Variants in ARMH3 observed in about 807,000 individuals in gnomAD.
ARMH3 encodes the protein armadillo like helical domain containing 3, also known as armadillo-like helical domain-containing protein 3.
In ARMH3, 60 loss-of-function variants were observed where a neutral mutation model predicts 99.1. The observed-to-expected ratio is 0.61, with a 90% confidence interval of 0.49 to 0.75. ARMH3 has a LOEUF of 0.75. ARMH3 is among the 30% of genes least tolerant of loss of function. ARMH3 has a pLI of 0.00. For synonymous variants in ARMH3, 285 were observed against 292.8 expected (o/e 0.97, Z 0.27); for missense variants, 679 against 843.1 (o/e 0.81, Z 2.41).
At chr10:101,895,092 G>A (rs1415200017) in intron 23 of ARMH3, among the ~76,000 whole-genome samples, 3 of 151,904 alleles carry the variant, frequency 2.0e-5, no homozygotes. Context: ...AAAAGATTAA[G>A]GTTTCCCTTC....
intron 23 of ARMH3, among the ~76,000 whole-genome samples, chr10:101,901,958 G>T (rs1002281418): frequency 6.6e-6 from 1 of 152,086 alleles, no homozygotes; most frequent in East Asian, 1.9e-4. Flanking sequence ...AGGGAACATC[G>T]CTTTTCTAAT....
intron 19 of ARMH3, among the ~76,000 whole-genome samples, chr10:101,978,160 A>C (rs1466676442): frequency 1.3e-5 from 2 of 152,238 alleles, no homozygotes; most frequent in Non-Finnish European, 2.9e-5. Context: ...TTTCATGCTT[A>C]CAAAGAAACA....
At chr10:101,908,218 G>GT (rs1374870643) in intron 23 of ARMH3, among the ~76,000 whole-genome samples, 1 of 152,204 alleles carries the variant, frequency 6.6e-6, no homozygotes, top group East Asian at 1.9e-4. Context: ...TATTACTGCT[G>GT]TATTACAGTA....
At chr10:101,983,778 G>GT (rs1406640500) in intron 19 of ARMH3, among the ~76,000 whole-genome samples, 1 of 152,128 alleles carries the variant, frequency 6.6e-6, no homozygotes, top group African/African-American at 2.4e-5. Flanking sequence ...TCATCTGACT[G>GT]TTTATATGTT....
At chr10:101,944,273 T>TATATATATAGAGAGAG (rs1844401380) in intron 22 of ARMH3, among the ~76,000 whole-genome samples, 1 of 25,406 alleles carries the variant, frequency 3.9e-5, no homozygotes, top group African/African-American at 1.8e-4. Context: ...TATATATATA[T>TATATATATAGAGAGAG]AGAGAGAGAG....
At chr10:102,003,335 G>C (rs1037700115) in intron 14 of ARMH3, among the ~76,000 whole-genome samples, 1 of 151,988 alleles carries the variant, frequency 6.6e-6, no homozygotes, top group Non-Finnish European at 1.5e-5. Flanking sequence ...GCTAATTTTT[G>C]TATTTTAGTA....
intron 1 of ARMH3, among the ~76,000 whole-genome samples, chr10:102,046,576 G>A (rs997653523): frequency 3.9e-5 from 6 of 151,902 alleles, no homozygotes; most frequent in Admixed American, 6.6e-5. Context: ...CGCTTGAACC[G>A]AGGAGGCGGA....
chr10:102,012,353 C>A (rs1404610579), intron 10 of ARMH3, among the ~76,000 whole-genome samples: 1 of 152,178 alleles, frequency 6.6e-6, no homozygotes, highest in African/African-American at 2.4e-5. Context: ...AGGGAGCCCC[C>A]AGGAGAAACA....
intron 20 of ARMH3, among the ~76,000 whole-genome samples, chr10:101,965,129 C>G (rs183829993): frequency 1.3e-5 from 2 of 152,226 alleles, no homozygotes; most frequent in African/African-American, 4.8e-5. Flanking sequence ...ATACTTAATG[C>G]CACTGAACTG....
intron 22 of ARMH3, among the ~76,000 whole-genome samples, chr10:101,947,395 G>A (rs1194689268): frequency 1.3e-5 from 2 of 152,036 alleles, no homozygotes; most frequent in African/African-American, 2.4e-5. Context: ...AGCTACTCAG[G>A]AGGTTGAGGC....
At chr10:101,910,813 C>CCA (rs1842835969) in intron 23 of ARMH3, among the ~76,000 whole-genome samples, 1 of 150,844 alleles carries the variant, frequency 6.6e-6, no homozygotes, top group Non-Finnish European at 1.5e-5. Context: ...CAAGCCATGC[C>CCA]CACACACATT....
chr10:101,958,373 A>G (rs565009473), intron 20 of ARMH3, among the ~76,000 whole-genome samples: 2 of 152,330 alleles, frequency 1.3e-5, no homozygotes, highest in African/African-American at 4.8e-5. Context: ...GCGAGGGGAG[A>G]GATTCCTAAA....
At chr10:101,896,523 T>C (rs1554856252) in intron 23 of ARMH3, among the ~76,000 whole-genome samples, 5 of 152,194 alleles carry the variant, frequency 3.3e-5, no homozygotes, top group Non-Finnish European at 7.3e-5. Context: ...TACAACCCTA[T>C]GATTATACCA....
At chr10:101,867,056 C>G (rs749067194) in intron 24 of ARMH3, among the ~76,000 whole-genome samples, 2 of 152,196 alleles carry the variant, frequency 1.3e-5, no homozygotes, top group African/African-American at 4.8e-5. Flanking sequence ...AACAGTAACC[C>G]TGCTTTGTGC....
intron 23 of ARMH3, among the ~76,000 whole-genome samples, chr10:101,896,480 C>T: frequency 6.6e-6 from 1 of 152,094 alleles, no homozygotes; most frequent in Non-Finnish European, 1.5e-5. Context: ...AGGGGGAACA[C>T]AATATTCTAA....
At chr10:102,031,222 ACTTT>A (rs2067124608) in intron 4 of ARMH3, among the ~76,000 whole-genome samples, 1 of 152,208 alleles carries the variant, frequency 6.6e-6, no homozygotes, top group Non-Finnish European at 1.5e-5. Context: ...ACATTAGTTA[ACTTT>A]CCAGTGGCTC....
At chr10:101,923,007 T>C (rs529033204) in intron 23 of ARMH3, among the ~76,000 whole-genome samples, 9 of 152,308 alleles carry the variant, frequency 5.9e-5, no homozygotes, top group African/African-American at 1.9e-4. Flanking sequence ...CCCACTCACA[T>C]GTTAGTGGTT....
At chr10:102,031,648 C>G (rs143999383) in intron 4 of ARMH3, among the ~76,000 whole-genome samples, 2 of 152,334 alleles carry the variant, frequency 1.3e-5, no homozygotes, top group African/African-American at 4.8e-5. Flanking sequence ...AAAACTGGGG[C>G]TCACAAAGTG....
intron 24 of ARMH3, among the ~76,000 whole-genome samples, chr10:101,885,149 G>A (rs558404693): frequency 6.6e-6 from 1 of 151,766 alleles, no homozygotes; most frequent in Non-Finnish European, 1.5e-5. Context: ...AAAAAAAACA[G>A]AAAACAAGTG....
Sources: allele counts gnomAD v4.1 joint callset (sites outside exome capture counted in the v4.1 genomes callset), GRCh38; gene constraint gnomAD v4.1.1; transcripts MANE v1.5; gene names NCBI Gene and HGNC (gene_info 2026-07-23, HGNC 2026-07-21).